The following UGT2B10 variants were observed in gnomAD, a reference collection of about 807,000 sequenced individuals.
The protein encoded by UGT2B10 is UDP-glucuronosyltransferase 2B10.
In UGT2B10, 51 loss-of-function variants were observed where a neutral mutation model predicts 43.7. That is an observed-to-expected ratio of 1.17 (90% CI 0.93 to 1.47). UGT2B10 has a LOEUF of 1.47. UGT2B10 is among the 40% of genes most tolerant of loss of function. The probability of loss-of-function intolerance (pLI) is 0.00; values close to 1 mark genes in which losing one functional copy is unlikely to be tolerated. For missense variants in UGT2B10, 696 were observed against 617.7 expected (o/e 1.13, Z -1.34); for synonymous variants, 225 against 209.0 (o/e 1.08, Z -0.66).
At position 68,816,683 on chromosome 4, in the gene UGT2B10, TG is replaced by T. The variant is rs1737231072; in HGVS notation, c.666del (p.Trp222CysfsTer7). 1 of 1,611,594 alleles carries T rather than the reference TG, an allele frequency of 6.2e-7. No individual in the cohort carries two copies. Among genetic ancestry groups the T allele is most frequent in the African/African-American group, 1.3e-5 (1 of 74,796 alleles). ...NMLYVLYFDFWFQIFNMKKWD... is the reference protein window; with the variant it reads ...NMLYVLYFDFXFQIFNMKKWD... ...GCTCTATGTGCTTTATTTTGACTTT[TG>T]GTTCCAAATATTTAATATGAAGAAG... On this transcript the variant is annotated frameshift_variant, in exon 1 of 6. Coordinates refer to ENST00000265403, the MANE Select transcript of UGT2B10 (RefSeq NM_001075.6). LOFTEE classifies it high-confidence loss of function.
Position 68,827,543 on chromosome 4 carries a change from T to C in UGT2B10, c.1302T>C (p.Asp434=), listed in dbSNP as rs1371908005. The change falls in exon 5 of 6, where the codon GAT becomes GAC. Residue 434 remains aspartate (D), a synonymous_variant. Transcript: ENST00000265403. ...ATGCACTGAAGACAGTAATTAATGA[T>C]CCTTCGTGAGTAGAACAATATTTTT... ...LLNALKTVIN[D]PSYKENIMKL... 2 of 1,613,116 alleles carry C rather than the reference T, an allele frequency of 1.2e-6. No individual in the cohort carries two copies. Among genetic ancestry groups the C allele is most frequent in the Non-Finnish European group, 1.7e-6 (2 of 1,179,408 alleles).
intron 2 of UGT2B10, among the ~76,000 whole-genome samples, chr4:68,818,710 C>G (rs1331616085): frequency 6.6e-6 from 1 of 151,556 alleles, no homozygotes; most frequent in Non-Finnish European, 1.5e-5. Context: ...GAACAATATG[C>G]AGGAATAGGG....
intron 2 of UGT2B10, among the ~76,000 whole-genome samples, chr4:68,819,373 A>T (rs577984041): frequency 2.0e-5 from 3 of 152,000 alleles, no homozygotes; most frequent in Non-Finnish European, 4.4e-5. Context: ...AAAAGTAGAC[A>T]TATCAGTTGT....
chr4:68,830,476 T>A, intron 5 of UGT2B10, 124 bp from the exon 6 acceptor site: 1 of 1,234,510 alleles, frequency 8.1e-7, no homozygotes, highest in Non-Finnish European at 1.1e-6. Flanking sequence ...AATACATAAA[T>A]TCTATATCAA....
intron 2 of UGT2B10, among the ~76,000 whole-genome samples, chr4:68,818,759 A>G (rs1269567882): frequency 6.6e-6 from 1 of 151,850 alleles, no homozygotes; most frequent in Admixed American, 6.6e-5. Flanking sequence ...AAGGGAAAGC[A>G]GATAAAGTGG....
chr4:68,822,492 C>G, intron 3 of UGT2B10, 90 bp downstream of exon 3: 2 of 1,597,722 alleles, frequency 1.3e-6, no homozygotes, highest in Non-Finnish European at 1.7e-6. Context: ...AAAGAGTAGA[C>G]TGAACTATTT....
chr4:68,819,802 T>C (rs550377110), intron 2 of UGT2B10, among the ~76,000 whole-genome samples: 1 of 152,192 alleles, frequency 6.6e-6, no homozygotes, highest in African/African-American at 2.4e-5. Context: ...CATATAAGAT[T>C]ATATTCTTTT....
chr4:68,824,755 A>G (rs1202350199), intron 3 of UGT2B10, among the ~76,000 whole-genome samples: 2 of 152,174 alleles, frequency 1.3e-5, no homozygotes, highest in East Asian at 1.9e-4. Flanking sequence ...AGAAGAACAT[A>G]TTAATCACTG....
intron 3 of UGT2B10, among the ~76,000 whole-genome samples, chr4:68,822,892 A>G (rs1199220336): frequency 6.6e-6 from 1 of 152,134 alleles, no homozygotes; most frequent in Non-Finnish European, 1.5e-5. Context: ...GAGTTTTCCT[A>G]ATCTCAGCAG....
At chr4:68,827,761 T>C (rs1451840153) in intron 5 of UGT2B10, among the ~76,000 whole-genome samples, 1 of 151,958 alleles carries the variant, frequency 6.6e-6, no homozygotes, top group Non-Finnish European at 1.5e-5. Flanking sequence ...TGAAACAGTT[T>C]TCTAAATAAA....
Position 68,816,284 on chromosome 4 carries a change from A to G in UGT2B10, c.265A>G (p.Ile89Val), listed in dbSNP as rs751921592. 9.9e-6 allele frequency: 16 copies of G among 1,613,090 alleles called. No homozygotes were observed. In the African/African-American group the frequency reaches 2.0e-4, roughly 20 times the overall value. ...SLTKTEFENI[I>V]MQLVKRLSEI... ...AACTAAAACTGAATTTGAGAATATC[A>G]TCATGCAATTGGTTAAGAGATTGTC... Residue 89 changes from isoleucine to valine, a missense_variant, in exon 1 of 6, where the codon ATC becomes GTC. By Grantham distance (29) the Ile-to-Val change is conservative. Transcript: ENST00000265403.
At position 68,822,277 on chromosome 4, in the gene UGT2B10, G is replaced by C; in HGVS notation, c.874G>C (p.Glu292Gln). 2 of 1,610,366 alleles carry C rather than the reference G, an allele frequency of 1.2e-6. No individual in the cohort carries two copies. The highest frequency in any genetic ancestry group is 1.7e-6 in the Non-Finnish European group (2 of 1,179,272). Residue 292 changes from glutamate (E) to glutamine (Q), a missense_variant, in exon 3 of 6, where the codon GAG becomes CAG. Physicochemically the swap from Glu to Gln is conservative, Grantham distance 29. Coordinates refer to ENST00000265403, the MANE Select transcript of UGT2B10 (RefSeq NM_001075.6). ...TTTTTTCTTTTTCCCACAGGAAATG[G>C]AGGAGTTTGTACAGAGCTCTGGAGA... Reference protein sequence around the residue: ...KPAKPLPKEMEEFVQSSGENG... With the variant: ...KPAKPLPKEMQEFVQSSGENG...
intron 5 of UGT2B10, among the ~76,000 whole-genome samples, chr4:68,828,703 A>G (rs1737925806): frequency 6.6e-6 from 1 of 151,904 alleles, no homozygotes; most frequent in African/African-American, 2.4e-5. Flanking sequence ...ATATACACAC[A>G]TGTACATATA....
Position 68,816,139 on chromosome 4 carries a change from A to G in UGT2B10, c.120A>G (p.Thr40=). The change falls in exon 1 of 6, where the codon ACA becomes ACG. Residue 40 remains threonine (T), a synonymous_variant. Transcript: ENST00000265403. ...ACAGCCTTTGGATGAATATGAAGAC[A>G]ATCCTGAAAGAACTTGTTCAGAGAG... The part of the protein sequence containing the change: ...AEYSLWMNMK[T]ILKELVQRGH... 1 of 1,613,284 alleles carries G rather than the reference A, an allele frequency of 6.2e-7. No homozygotes were observed. The highest frequency in any genetic ancestry group is 1.3e-5 in the African/African-American group (1 of 74,956).
intron 1 of UGT2B10, 86 bp from the exon 2 acceptor site, chr4:68,817,943 G>T: frequency 6.8e-7 from 1 of 1,476,426 alleles, no homozygotes; most frequent in South Asian, 1.4e-5. Flanking sequence ...CAACATTTTT[G>T]CCTGCATTAT....
At chr4:68,816,849 A>C in intron 1 of UGT2B10, 112 bp downstream of exon 1, 1 of 925,596 alleles carries the variant, frequency 1.1e-6, no homozygotes, top group Non-Finnish European at 1.6e-6. Flanking sequence ...AAATGAATTT[A>C]TGAAATGAAA....
chr4:68,830,636 A>T lies in UGT2B10; in HGVS notation c.1344A>T (p.Gln448His), dbSNP rs1334146308. The T allele has an allele frequency of 6.2e-7, 1 of 1,612,918 alleles. No individual in the cohort carries two copies. Among genetic ancestry groups the T allele is most frequent in the Non-Finnish European group, 8.5e-7 (1 of 1,179,378 alleles). The change falls in exon 6 of 6, where the codon CAA (glutamine) becomes CAT (histidine). Residue 448 changes from glutamine to histidine, a missense_variant. Transcript: ENST00000265403. ...KENIMKLSRI[Q>H]HDQPVKPLDR... ...ATATTATGAAATTATCAAGAATTCA[A>T]CATGATCAACCAGTGAAGCCCCTGG...
At chr4:68,826,635 A>C (rs1737796253) in intron 4 of UGT2B10, 138 bp downstream of exon 4, 1 of 1,088,836 alleles carries the variant, frequency 9.2e-7, no homozygotes, top group Non-Finnish European at 1.3e-6. Flanking sequence ...TTCCAGTCCT[A>C]GGGGAAAAGA....
intron 2 of UGT2B10, among the ~76,000 whole-genome samples, chr4:68,821,070 A>G (rs778919497): frequency 9.9e-5 from 15 of 152,262 alleles, no homozygotes; most frequent in Non-Finnish European, 1.8e-4. Flanking sequence ...TATTATGTGG[A>G]ATAGTAGTAC....
Sources: gnomAD v4.1 joint callset for allele counts (sites outside exome capture counted in the v4.1 genomes callset) on GRCh38, gnomAD v4.1.1 for gene constraint, MANE v1.5 for transcripts, NCBI Gene and HGNC (gene_info 2026-07-23, HGNC 2026-07-21) for gene names.